Variants in AGBL4 observed in about 807,000 individuals in gnomAD.
AGBL4 encodes cytosolic carboxypeptidase 6.
A neutral mutation model predicts 66.4 loss-of-function variants in AGBL4; 58 were observed. That is an observed-to-expected ratio of 0.87 (90% CI 0.71 to 1.09). AGBL4 has a LOEUF of 1.09. Among genes scored for constraint, AGBL4 ranks in the 50% least tolerant of loss-of-function variants. AGBL4 has a pLI of 0.00. For missense variants in AGBL4, 579 were observed against 631.0 expected (o/e 0.92, Z 0.88); for synonymous variants, 234 against 222.9 (o/e 1.05, Z -0.44).
At chr1:49,973,657 G>A (rs1339590441) in intron 1 of AGBL4, among the ~76,000 whole-genome samples, 2 of 147,140 alleles carry the variant, frequency 1.4e-5, no homozygotes, top group Non-Finnish European at 3.0e-5. Flanking sequence ...ATAATTATAT[G>A]GTATATGAAT....
chr1:48,736,279 A>G lies in AGBL4; in HGVS notation c.635-73038T>C, dbSNP rs1380932429. On this transcript the variant is annotated intron_variant, in intron 6 of 13. Coordinates refer to ENST00000371839, the MANE Select transcript of AGBL4 (RefSeq NM_032785.4). This position sits in a 1 kb window ranked among gnomAD's most constrained non-coding sequence, Gnocchi z 4.0. ...GTTTGTGAGGCGAGAGGGGTGGTTT[A>G]GGGACTGCATCTTTCTTTTTTTTTG... The G allele has an allele frequency of 6.2e-7, 1 of 1,614,170 alleles. No homozygotes were observed. The highest frequency in any genetic ancestry group is 8.5e-7 in the Non-Finnish European group (1 of 1,180,006).
chr1:48,783,022 T>C (rs909948524), intron 6 of AGBL4, among the ~76,000 whole-genome samples: 1 of 152,244 alleles, frequency 6.6e-6, no homozygotes, highest in African/African-American at 2.4e-5. Context: ...TCATACACTA[T>C]GTAGCCTTCT....
chr1:48,725,752 A>T (rs1276582204), intron 6 of AGBL4, among the ~76,000 whole-genome samples: 1 of 152,198 alleles, frequency 6.6e-6, no homozygotes, highest in African/African-American at 2.4e-5. Flanking sequence ...TATGGGTGTA[A>T]GAATGATGGT....
intron 4 of AGBL4, among the ~76,000 whole-genome samples, chr1:49,220,491 T>A (rs1352039023): frequency 6.6e-6 from 1 of 152,198 alleles, no homozygotes; most frequent in African/African-American, 2.4e-5. Context: ...GATTTGATTA[T>A]AAGACATCTA....
chr1:49,331,343 G>C (rs1645329809), intron 3 of AGBL4, among the ~76,000 whole-genome samples: 1 of 152,106 alleles, frequency 6.6e-6, no homozygotes, highest in Non-Finnish European at 1.5e-5. Flanking sequence ...AACTGGCTTG[G>C]AATTCTAGCC....
chr1:49,180,399 A>G (rs867605986), intron 4 of AGBL4, among the ~76,000 whole-genome samples: 2 of 152,350 alleles, frequency 1.3e-5, no homozygotes, highest in East Asian at 3.9e-4. Flanking sequence ...AATAATAGCA[A>G]TAACTGTCAT....
At chr1:49,771,569 C>T (rs1294998191) in intron 2 of AGBL4, among the ~76,000 whole-genome samples, 1 of 152,042 alleles carries the variant, frequency 6.6e-6, no homozygotes, top group African/African-American at 2.4e-5. Flanking sequence ...TTATGATGCT[C>T]TTTCCATTGT....
intron 2 of AGBL4, among the ~76,000 whole-genome samples, chr1:49,824,986 T>C (rs1645470093): frequency 6.6e-6 from 1 of 152,094 alleles, no homozygotes; most frequent in Non-Finnish European, 1.5e-5. Flanking sequence ...ACTCCATAGA[T>C]TTTTTTTCTC....
At chr1:49,473,694 T>G (rs906208222) in intron 3 of AGBL4, among the ~76,000 whole-genome samples, 4 of 152,102 alleles carry the variant, frequency 2.6e-5, no homozygotes, top group African/African-American at 7.2e-5. Context: ...GATTTAGTCA[T>G]ATTCTTTGCA....
In AGBL4 at chr1:49,395,634, A is replaced by G. The variant is rs1327697309; in HGVS notation, c.283-149770T>C. On this transcript the variant is annotated intron_variant, in intron 3 of 13. Coordinates refer to ENST00000371839, the MANE Select transcript of AGBL4 (RefSeq NM_032785.4). ...TGCACATGTGAGGGATCTAAGTTGC[A>G]TGTTCCTTATGAGAATGTATTTGAA... Among the ~76,000 whole-genome samples the G allele has an allele frequency of 9.4e-5, 14 of 148,346 alleles. No individual in the cohort carries two copies. In the Admixed American group the frequency reaches 9.6e-4, roughly 10 times the overall value.
chr1:49,452,079 A>G (rs777259573), intron 3 of AGBL4, among the ~76,000 whole-genome samples: 6 of 151,668 alleles, frequency 4.0e-5, no homozygotes, highest in African/African-American at 9.7e-5. Flanking sequence ...ACCTCCCTCT[A>G]TCTAATTGTA....
At chr1:48,935,472 T>C (rs1655370630) in intron 5 of AGBL4, among the ~76,000 whole-genome samples, 1 of 151,930 alleles carries the variant, frequency 6.6e-6, no homozygotes, top group Non-Finnish European at 1.5e-5. Flanking sequence ...CAAGGGGAGG[T>C]AGGTTTCTAG....
At chr1:48,725,717 T>C (rs945180849) in intron 6 of AGBL4, among the ~76,000 whole-genome samples, 1 of 152,184 alleles carries the variant, frequency 6.6e-6, no homozygotes, top group Non-Finnish European at 1.5e-5. Context: ...TTATTTAACC[T>C]TTTTTGAGCC....
At chr1:49,797,215 T>C (rs1644752814) in intron 2 of AGBL4, among the ~76,000 whole-genome samples, 1 of 152,156 alleles carries the variant, frequency 6.6e-6, no homozygotes, top group African/African-American at 2.4e-5. Context: ...ATTCTGAGCT[T>C]TGGGAAAGAA....
chr1:48,556,440 G>GT (rs1297440005), intron 11 of AGBL4, among the ~76,000 whole-genome samples: 1 of 152,126 alleles, frequency 6.6e-6, no homozygotes, highest in Non-Finnish European at 1.5e-5. Flanking sequence ...CTCCATTTTA[G>GT]TAACTATAAG....
chr1:49,486,156 C>T (rs1647062466), intron 3 of AGBL4, among the ~76,000 whole-genome samples: 2 of 152,026 alleles, frequency 1.3e-5, no homozygotes, highest in South Asian at 4.2e-4. Context: ...TGTCTATGCA[C>T]TCAGAAATCA....
chr1:48,960,976 C>T (rs1271973639), intron 5 of AGBL4, among the ~76,000 whole-genome samples: 1 of 152,222 alleles, frequency 6.6e-6, no homozygotes, highest in Non-Finnish European at 1.5e-5. Context: ...TCACCTAGCA[C>T]ACTCATTGAC....
At chr1:49,074,125 C>T (rs552917408) in intron 4 of AGBL4, among the ~76,000 whole-genome samples, 65 of 152,274 alleles carry the variant, frequency 4.3e-4, no homozygotes, top group South Asian at 3.5e-3. Flanking sequence ...TCAAGACTGC[C>T]GCGCTCACAG....
intron 2 of AGBL4, among the ~76,000 whole-genome samples, chr1:49,834,868 A>AT (rs1263538430): frequency 6.6e-6 from 1 of 152,034 alleles, no homozygotes. Context: ...CAGTTTCCAT[A>AT]TAGCTGTGTG....
Sources: allele counts gnomAD v4.1 joint callset (sites outside exome capture counted in the v4.1 genomes callset), GRCh38; gene constraint gnomAD v4.1.1; non-coding constraint Gnocchi (gnomAD v3.1); transcripts MANE v1.5; gene names NCBI Gene and HGNC (gene_info 2026-07-23, HGNC 2026-07-21).